The following ACYP2 variants were observed in gnomAD, a reference collection of about 807,000 sequenced individuals.
ACYP2 encodes acylphosphatase 2.
In ACYP2, 12 loss-of-function variants were observed where a neutral mutation model predicts 11.2. The ratio of observed to expected loss-of-function variants is 1.08; its 90% CI spans 0.69 to 1.74. The LOEUF (loss-of-function observed/expected upper bound fraction) is 1.74. Among genes scored for constraint, ACYP2 ranks in the 40% most tolerant of loss-of-function variants. The pLI is 0.00. For missense variants in ACYP2, 134 were observed against 101.9 expected, an observed-to-expected ratio of 1.31 and a Z score of -1.35; for synonymous variants, 43 against 32.2, an observed-to-expected ratio of 1.33 and a Z score of -1.13.
At chr2:54,104,880 T>G (rs1679074523) in intron 4 of ACYP2, among the ~76,000 whole-genome samples, 1 of 152,170 alleles carries the variant, frequency 6.6e-6, no homozygotes, top group Non-Finnish European at 1.5e-5. Context: ...GATAGGGGAT[T>G]GCACAAAAAG....
chr2:54,112,292 G>T (rs1679503493), intron 4 of ACYP2, among the ~76,000 whole-genome samples: 1 of 152,158 alleles, frequency 6.6e-6, no homozygotes, highest in African/African-American at 2.4e-5. Flanking sequence ...TTCCAAAGCT[G>T]TTGCTCAGGT....
intron 3 of ACYP2, among the ~76,000 whole-genome samples, chr2:54,055,750 G>A (rs3929001): frequency 0.1 from 15,447 of 152,240 alleles, 934 homozygotes; most frequent in East Asian, 0.28. Flanking sequence ...CATGCACCCA[G>A]AGGTCCAATT....
At chr2:54,077,132 T>A (rs1470455378) in intron 4 of ACYP2, among the ~76,000 whole-genome samples, 1 of 152,256 alleles carries the variant, frequency 6.6e-6, no homozygotes, top group Non-Finnish European at 1.5e-5. Context: ...TTTGTTGTTG[T>A]TGTTGAAATG....
intron 4 of ACYP2, among the ~76,000 whole-genome samples, chr2:54,101,646 C>G (rs562229955): frequency 1.6e-4 from 22 of 140,926 alleles, no homozygotes; most frequent in African/African-American, 5.3e-4. Flanking sequence ...TGCAATCCAG[C>G]TTGGGTTACA....
chr2:54,009,113 A>G (rs1673224871), intron 2 of ACYP2, among the ~76,000 whole-genome samples: 1 of 151,874 alleles, frequency 6.6e-6, no homozygotes, highest in African/African-American at 2.4e-5. Context: ...AGACTGTGCC[A>G]CTGCACTCCA....
chr2:54,134,454 C>A (rs186987269), intron 4 of ACYP2, among the ~76,000 whole-genome samples: 62 of 152,174 alleles, frequency 4.1e-4, no homozygotes, highest in Admixed American at 2.6e-3. Context: ...TGTATTTAGT[C>A]CTTACATTTT....
chr2:54,277,115 C>T (rs1272062279), intron 6 of ACYP2, among the ~76,000 whole-genome samples: 2 of 152,190 alleles, frequency 1.3e-5, no homozygotes, highest in African/African-American at 4.8e-5. Flanking sequence ...TCTTTACCTA[C>T]ATCCTTGATT....
At chr2:54,030,228 C>T (rs1473904497) in intron 2 of ACYP2, among the ~76,000 whole-genome samples, 1 of 152,164 alleles carries the variant, frequency 6.6e-6, no homozygotes, top group African/African-American at 2.4e-5. Context: ...ATCTCCTTTA[C>T]GGCTTGGCCT....
chr2:54,207,173 ATGTGTGTGTGTG>A (rs58920943), intron 6 of ACYP2, among the ~76,000 whole-genome samples: 3 of 138,650 alleles, frequency 2.2e-5, no homozygotes, highest in African/African-American at 5.3e-5. Context: ...CAACATGTAT[ATGTGTGTGTGTG>A]TGTGTGTGTG....
chr2:54,003,961 TTGTTTTG>T (rs1558465202), intron 2 of ACYP2, among the ~76,000 whole-genome samples: 1 of 152,084 alleles, frequency 6.6e-6, no homozygotes, highest in Non-Finnish European at 1.5e-5. Flanking sequence ...CTCTTTGTTT[TTGTTTTG>T]TGTTTTGTTG....
At chr2:54,078,004 C>G (rs1270862657) in intron 4 of ACYP2, among the ~76,000 whole-genome samples, 1 of 149,842 alleles carries the variant, frequency 6.7e-6, no homozygotes, top group Non-Finnish European at 1.5e-5. Context: ...GAGTCTCGCT[C>G]TGTCACCCAG....
intron 6 of ACYP2, among the ~76,000 whole-genome samples, chr2:54,167,969 C>T (rs1356659244): frequency 6.6e-6 from 1 of 152,168 alleles, no homozygotes; most frequent in East Asian, 1.9e-4. Flanking sequence ...TTCTTGGGCC[C>T]AGTGCCACCC....
At chr2:54,210,767 T>C (rs17045655) in intron 6 of ACYP2, among the ~76,000 whole-genome samples, 2,098 of 152,224 alleles carry the variant, frequency 0.014, 51 homozygotes, top group African/African-American at 0.046. Context: ...GTGAATAGTC[T>C]TGGAATAGCA....
At chr2:54,264,248 C>CAAAG (rs1039858659) in intron 6 of ACYP2, among the ~76,000 whole-genome samples, 2 of 152,072 alleles carry the variant, frequency 1.3e-5, no homozygotes, top group Non-Finnish European at 2.9e-5. Context: ...AGTGCGGACC[C>CAAAG]AAAGAGTGAG....
chr2:54,140,277 A>T (rs1181736755), intron 6 of ACYP2, among the ~76,000 whole-genome samples: 1 of 152,210 alleles, frequency 6.6e-6, no homozygotes, highest in Non-Finnish European at 1.5e-5. Context: ...GAGGGAGCCT[A>T]GAAAAAAATA....
chr2:54,032,055 A>G (rs988502490), intron 2 of ACYP2, among the ~76,000 whole-genome samples: 2 of 151,626 alleles, frequency 1.3e-5, no homozygotes, highest in Non-Finnish European at 2.9e-5. Flanking sequence ...GATTGCAAAA[A>G]TTTTCTCCCA....
At chr2:54,055,914 C>T (rs1023811020) in intron 3 of ACYP2, among the ~76,000 whole-genome samples, 1 of 152,128 alleles carries the variant, frequency 6.6e-6, no homozygotes, top group Admixed American at 6.5e-5. Context: ...TATAGTACCT[C>T]CATAGACATA....
At chr2:54,292,265 T>G (rs932148631) in intron 6 of ACYP2, among the ~76,000 whole-genome samples, 1 of 152,172 alleles carries the variant, frequency 6.6e-6, no homozygotes, top group Admixed American at 6.5e-5. Context: ...ACATTATTTT[T>G]TATTGCCCTA....
In ACYP2 at chr2:54,301,045, G is replaced by A. The variant is rs189252080; in HGVS notation, c.405-3643G>A. ...TTATTTGCCCATTTTTCTATTGCAC[G>A]GCCATACATATTGGTAATATACCAT... is the stretch of plus-strand genomic sequence containing the variant. On this transcript the variant is annotated intron_variant, in intron 6 of 6. Coordinates refer to ENST00000607452, the MANE Select transcript of ACYP2 (RefSeq NM_001320586.2). 2.3e-3 allele frequency among the ~76,000 whole-genome samples: 351 copies of A among 151,986 alleles called. 3 individuals carry two copies. Among genetic ancestry groups the A allele is most frequent in the African/African-American group, 8.2e-3 (339 of 41,458 alleles).
Sources: allele counts gnomAD v4.1 joint callset (sites outside exome capture counted in the v4.1 genomes callset), GRCh38; gene constraint gnomAD v4.1.1; transcripts MANE v1.5; gene names NCBI Gene and HGNC (gene_info 2026-07-23, HGNC 2026-07-21).